The following GPR161 variants were observed in gnomAD, a reference collection of about 807,000 sequenced individuals.
GPR161 encodes G-protein coupled receptor RE2.
A neutral mutation model predicts 39.2 loss-of-function variants in GPR161; 25 were observed. The observed-to-expected ratio is 0.64, with a 90% confidence interval of 0.47 to 0.89. The LOEUF is 0.89. GPR161 is among the 40% of genes least tolerant of loss of function. The pLI, the probability that GPR161 is intolerant of heterozygous loss-of-function variation, is 0.00. For missense variants in GPR161, 547 were observed against 677.8 expected (o/e 0.81, Z 2.14); for synonymous variants, 286 against 276.6 (o/e 1.03, Z -0.34).
chr1:168,085,675 C>G lies in GPR161; in HGVS notation c.1446G>C (p.Glu482Asp), dbSNP rs748265409. Residue 482 changes from glutamate (E) to aspartate (D), a missense_variant, in exon 6 of 6, where the codon GAG (glutamate) becomes GAC (aspartate). Physicochemically the swap from Glu to Asp is conservative, Grantham distance 45 (BLOSUM62 2). Coordinates refer to ENST00000682931, the MANE Select transcript of GPR161 (RefSeq NM_001375883.1). Reference protein sequence around the residue: ...AEAKINLFGEEALPGVLVTAR... With the variant: ...AEAKINLFGEDALPGVLVTAR... ...CTGTAACCAAGACCCCTGGCAAAGC[C>G]TCCTCCCCAAATAAGTTGATTTTGG... 1 of 1,614,252 alleles carries G rather than the reference C, an allele frequency of 6.2e-7. No homozygotes were observed. Among genetic ancestry groups the G allele is most frequent in the Non-Finnish European group, 8.5e-7 (1 of 1,180,052 alleles).
intron 1 of GPR161, among the ~76,000 whole-genome samples, chr1:168,129,620 T>G (rs1698840854): frequency 6.6e-6 from 1 of 152,190 alleles, no homozygotes; most frequent in South Asian, 2.1e-4. Flanking sequence ...AATGTTTAGA[T>G]TCACTAATCT....
intron 1 of GPR161, among the ~76,000 whole-genome samples, chr1:168,132,609 A>T (rs1252610065): frequency 6.6e-6 from 1 of 152,000 alleles, no homozygotes; most frequent in Non-Finnish European, 1.5e-5. Context: ...AAAGAAAAAA[A>T]GAAATGGTCT....
intron 1 of GPR161, among the ~76,000 whole-genome samples, chr1:168,120,570 T>C (rs1698085387): frequency 6.6e-6 from 1 of 152,040 alleles, no homozygotes; most frequent in African/African-American, 2.4e-5. Flanking sequence ...GACATTAGAT[T>C]TGGGAGGGGC....
At position 168,090,548 on chromosome 1, in the gene GPR161, A is replaced by G. The variant is rs756734368; in HGVS notation, c.1204+16T>C. On this transcript the variant is annotated intron_variant, in intron 4 of 5. Coordinates refer to ENST00000682931, the MANE Select transcript of GPR161 (RefSeq NM_001375883.1). Reference sequence around the variant, plus strand: ...AAAACGCGACAGGTGAGAGGCTTATAAAGCACGCAGGTTACCTGAGTCCTG... The same window carrying G: ...AAAACGCGACAGGTGAGAGGCTTATGAAGCACGCAGGTTACCTGAGTCCTG... 1 of 1,470,124 alleles carries G rather than the reference A, an allele frequency of 6.8e-7. No individual in the cohort carries two copies. The allele number at this position is 1,470,124 out of a possible 1,614,324, so 91.1% of individuals were successfully genotyped here.
chr1:168,107,723 C>CA (rs1436908373), intron 1 of GPR161, among the ~76,000 whole-genome samples: 1 of 152,208 alleles, frequency 6.6e-6, no homozygotes, highest in African/African-American at 2.4e-5. Flanking sequence ...CCATGGTACT[C>CA]AAACACTGAA....
chr1:168,122,364 A>T (rs61809580), intron 1 of GPR161, among the ~76,000 whole-genome samples: 1 of 152,106 alleles, frequency 6.6e-6, no homozygotes, highest in Non-Finnish European at 1.5e-5. Flanking sequence ...TCCAGGCTAC[A>T]TTATATCTTC....
chr1:168,136,319 C>G, intron 1 of GPR161: 1 of 1,483,410 alleles, frequency 6.7e-7, no homozygotes, highest in Non-Finnish European at 8.9e-7. Flanking sequence ...TTGCCCTGAG[C>G]GGGACGTGGA....
At chr1:168,135,905 C>A in intron 1 of GPR161, 1 of 485,506 alleles carries the variant, frequency 2.1e-6, no homozygotes, top group Non-Finnish European at 2.9e-6. Context: ...AGTACAATAA[C>A]AAGCAAAAAT....
chr1:168,136,284 G>A (rs1039593452), intron 1 of GPR161: 3 of 1,452,572 alleles, frequency 2.1e-6, no homozygotes, highest in East Asian at 5.9e-5. Context: ...CAGCCGAGGG[G>A]CGTGACCGCT....
intron 1 of GPR161, among the ~76,000 whole-genome samples, chr1:168,112,046 G>A (rs942890908): frequency 1.3e-5 from 2 of 151,582 alleles, no homozygotes; most frequent in African/African-American, 2.4e-5. Context: ...TAATATTCAA[G>A]AGAAGGTGAA....
intron 1 of GPR161, among the ~76,000 whole-genome samples, chr1:168,124,637 A>C (rs748634447): frequency 1.3e-5 from 2 of 152,166 alleles, no homozygotes; most frequent in Non-Finnish European, 2.9e-5. Flanking sequence ...TATGATCCAA[A>C]ACACAGTGAT....
At chr1:168,134,798 G>A (rs1054820048) in intron 1 of GPR161, 4 of 965,914 alleles carry the variant, frequency 4.1e-6, no homozygotes, top group Non-Finnish European at 6.4e-6. Flanking sequence ...CTGGAGACAG[G>A]CTTAGCAGCA....
At chr1:168,086,958 T>C (rs1224411605) in intron 5 of GPR161, among the ~76,000 whole-genome samples, 1 of 152,180 alleles carries the variant, frequency 6.6e-6, no homozygotes, top group African/African-American at 2.4e-5. Flanking sequence ...GCCCCTGGAC[T>C]CCACCAAATC....
At chr1:168,104,306 G>A (rs753242460) in intron 2 of GPR161, among the ~76,000 whole-genome samples, 171 bp downstream of exon 2, 6 of 152,134 alleles carry the variant, frequency 3.9e-5, no homozygotes, top group Non-Finnish European at 7.3e-5. Flanking sequence ...CAGACAAAAC[G>A]AGATGTGCTT....
At chr1:168,135,014 C>T (rs1332556054) in intron 1 of GPR161, 7 of 1,533,268 alleles carry the variant, frequency 4.6e-6, no homozygotes, top group Non-Finnish European at 6.1e-6. Flanking sequence ...CTTCACCTCT[C>T]AGAGGACGCA....
chr1:168,100,239 T>C (rs12410730), intron 2 of GPR161, among the ~76,000 whole-genome samples: 50,659 of 135,638 alleles, frequency 0.37, 10,272 homozygotes, highest in Admixed American at 0.47. Flanking sequence ...AAAAAGGATA[T>C]AGAACAGTCC....
intron 3 of GPR161, among the ~76,000 whole-genome samples, chr1:168,094,236 TC>T (rs1695327103): frequency 6.6e-6 from 1 of 152,246 alleles, no homozygotes; most frequent in African/African-American, 2.4e-5. Context: ...TCATTTTTTT[TC>T]CTTCTTCATT....
Position 168,087,665 on chromosome 1 carries a change from T to C in GPR161, c.1244A>G (p.Asp415Gly). 6.2e-7 allele frequency: 1 copy of C among 1,613,970 alleles called. No homozygotes were observed. Among genetic ancestry groups the C allele is most frequent in the Non-Finnish European group, 8.5e-7 (1 of 1,179,872 alleles). The change falls in exon 5 of 6, where the codon GAC (aspartate) becomes GGC (glycine). Residue 415 changes from aspartate to glycine, a missense_variant. Physicochemically the swap from Asp to Gly is moderately conservative, Grantham distance 94. Transcript: ENST00000682931. ...MMLLEDYTSD[D>G]NPPSHCTCPP... The stretch of plus-strand genomic sequence containing the variant: ...GCAAGTGCAGTGAGAGGGAGGGTTG[T>C]CATCAGACGTGTAGTCCTCAAGCAG...
chr1:168,136,477 G>T, intron 1 of GPR161: 6 of 1,267,820 alleles, frequency 4.7e-6, no homozygotes, highest in Non-Finnish European at 6.0e-6. Context: ...GGGCCTCTCA[G>T]AAGCCCCAGG....
Sources: allele counts gnomAD v4.1 joint callset (sites outside exome capture counted in the v4.1 genomes callset), GRCh38; gene constraint gnomAD v4.1.1; transcripts MANE v1.5; gene names NCBI Gene and HGNC (gene_info 2026-07-23, HGNC 2026-07-21).